The following PCSK6 variants were observed in gnomAD, a reference collection of about 807,000 sequenced individuals.
PCSK6 encodes the protein paired basic amino acid cleaving enzyme 4.
A neutral mutation model predicts 123.3 loss-of-function variants in PCSK6; 85 were observed. That is an observed-to-expected ratio of 0.69 (90% CI 0.58 to 0.83). The LOEUF (loss-of-function observed/expected upper bound fraction) is 0.83, where lower values mean the gene tolerates loss of function less well. PCSK6 is among the 40% of genes least tolerant of loss of function. PCSK6 has a pLI of 0.00. For synonymous variants in PCSK6, 508 were observed against 516.0 expected (o/e 0.98, Z 0.21); for missense variants, 1,191 against 1,282.3 (o/e 0.93, Z 1.09).
intron 20 of PCSK6, among the ~76,000 whole-genome samples, chr15:101,310,856 C>A (rs1481425086): frequency 1.3e-5 from 2 of 152,190 alleles, no homozygotes; most frequent in Non-Finnish European, 2.9e-5. Flanking sequence ...CATGGGCACC[C>A]CTCCCCTGCT....
In PCSK6 at chr15:101,454,771, C is replaced by G. The variant is rs374336054; in HGVS notation, c.298-11111G>C. ...ACCAGCCTGGCCAACAGCGTGAAAC[C>G]CCGCCTCTACCAAAAATACAAAAAT... is the stretch of plus-strand genomic sequence containing the variant. On this transcript the variant is annotated intron_variant, in intron 1 of 21. Coordinates refer to ENST00000611716, the MANE Select transcript of PCSK6 (RefSeq NM_002570.5). Among the ~76,000 whole-genome samples, 3 of 152,146 alleles carry G rather than the reference C, an allele frequency of 2.0e-5. No individual in the cohort carries two copies. The South Asian group carries it at 6.2e-4, about 32-fold the overall frequency.
At chr15:101,358,474 T>G (rs1016274337) in intron 13 of PCSK6, among the ~76,000 whole-genome samples, 1 of 152,226 alleles carries the variant, frequency 6.6e-6, no homozygotes, top group Non-Finnish European at 1.5e-5. Flanking sequence ...CATGGTACTA[T>G]TGGTTCCTGA....
At chr15:101,365,145 T>A (rs1264549729) in intron 13 of PCSK6, 1 of 543,396 alleles carries the variant, frequency 1.8e-6, no homozygotes, top group African/African-American at 1.8e-5. Flanking sequence ...CAAAAATAAT[T>A]CAAAATGGAT....
At chr15:101,312,220 G>A (rs1328213952) in intron 20 of PCSK6, 1 of 151,104 alleles carries the variant, frequency 6.6e-6, no homozygotes, top group Non-Finnish European at 1.5e-5. Context: ...ACTCCTCAAT[G>A]TTGCTCCCAC....
intron 15 of PCSK6, among the ~76,000 whole-genome samples, chr15:101,329,427 C>T (rs752027): frequency 3.9e-5 from 6 of 152,266 alleles, no homozygotes; most frequent in Admixed American, 3.3e-4. Flanking sequence ...AGACTTGGGC[C>T]GATTAATTGC....
intron 2 of PCSK6, among the ~76,000 whole-genome samples, chr15:101,441,221 A>G (rs1425608507): frequency 6.6e-6 from 1 of 152,094 alleles, no homozygotes; most frequent in African/African-American, 2.4e-5. Context: ...GACTTCGAGG[A>G]GACAACTAAT....
At chr15:101,464,170 G>C (rs908062444) in intron 1 of PCSK6, among the ~76,000 whole-genome samples, 3 of 152,276 alleles carry the variant, frequency 2.0e-5, no homozygotes, top group South Asian at 4.2e-4. Flanking sequence ...TGGGGCTGCT[G>C]CCTTGCAAGC....
At chr15:101,322,646 A>T (rs376186625) in intron 17 of PCSK6, 39 bp from the exon 18 acceptor site, 7 of 1,296,292 alleles carry the variant, frequency 5.4e-6, no homozygotes, top group Non-Finnish European at 6.7e-6. Context: ...AGAAGGGACG[A>T]CACTGACAGG....
rs1021197065 is a variant in PCSK6 at position 101,416,005 on chromosome 15, A to G, written c.823+11887T>C. 1.1e-4 allele frequency among the ~76,000 whole-genome samples: 17 copies of G among 152,368 alleles called. No homozygotes were observed. In the East Asian group the frequency reaches 3.3e-3, roughly 29 times the overall value. On this transcript the variant is annotated intron_variant, in intron 6 of 21. Coordinates refer to ENST00000611716, the MANE Select transcript of PCSK6 (RefSeq NM_002570.5). ...GTAAATTGGTGCCCATAGAGTGGGC[A>G]TTGCTGAAAAGATACCCCAAAATGT...
At chr15:101,444,856 G>A (rs2056845459) in intron 1 of PCSK6, among the ~76,000 whole-genome samples, 1 of 152,150 alleles carries the variant, frequency 6.6e-6, no homozygotes, top group Non-Finnish European at 1.5e-5. Flanking sequence ...GACCTGGAGG[G>A]ACTTGGATGC....
chr15:101,362,192 G>C (rs2041248588), intron 13 of PCSK6, among the ~76,000 whole-genome samples: 1 of 152,078 alleles, frequency 6.6e-6, no homozygotes, highest in Admixed American at 6.6e-5. Flanking sequence ...TCCTGACCTT[G>C]TGATTCACCC....
At chr15:101,362,752 G>A (rs908288060) in intron 13 of PCSK6, among the ~76,000 whole-genome samples, 2 of 152,206 alleles carry the variant, frequency 1.3e-5, no homozygotes, top group Non-Finnish European at 2.9e-5. Context: ...GCCTAGAAAA[G>A]CTAAGTGACT....
intron 1 of PCSK6, among the ~76,000 whole-genome samples, chr15:101,483,479 T>C (rs2057942025): frequency 6.6e-6 from 1 of 152,246 alleles, no homozygotes; most frequent in African/African-American, 2.4e-5. Context: ...TGCCTTTTTA[T>C]GTTCAGACTC....
chr15:101,451,643 C>T (rs1370420726), intron 1 of PCSK6, among the ~76,000 whole-genome samples: 1 of 152,232 alleles, frequency 6.6e-6, no homozygotes, highest in African/African-American at 2.4e-5. Context: ...GCAGCTGCAG[C>T]GTGCCTGCTT....
At chr15:101,475,767 A>T (rs1032757124) in intron 1 of PCSK6, among the ~76,000 whole-genome samples, 3 of 151,756 alleles carry the variant, frequency 2.0e-5, no homozygotes, top group Non-Finnish European at 1.5e-5. Context: ...CTGGGACTAC[A>T]AGTGTGAGCC....
chr15:101,307,579 C>T (rs1030675807), intron 20 of PCSK6: 4 of 441,352 alleles, frequency 9.1e-6, no homozygotes, highest in African/African-American at 8.0e-5. Flanking sequence ...AGCCCAGGAT[C>T]AGGGGCCAGG....
At position 101,313,126 on chromosome 15, in the gene PCSK6, C is replaced by G. The variant is rs1161971761; in HGVS notation, c.2699+250G>C. On this transcript the variant is annotated intron_variant, in intron 20 of 21. Transcript: ENST00000611716. ...TAGTCCACCAATGGGGTGTGAGCACCTTGCTATTCTGCTTCCCATCTTATC... is the reference window on the plus strand; with the variant it reads ...TAGTCCACCAATGGGGTGTGAGCACGTTGCTATTCTGCTTCCCATCTTATC... The G allele has an allele frequency of 2.8e-6, 4 of 1,442,450 alleles. No individual in the cohort carries two copies. In the South Asian group the frequency reaches 4.2e-5, roughly 15 times the overall value. The allele number at this position is 1,442,450 out of a possible 1,614,324, so 89.4% of individuals were successfully genotyped here.
intron 11 of PCSK6, among the ~76,000 whole-genome samples, chr15:101,375,925 T>C (rs1410655724): frequency 6.6e-6 from 1 of 152,044 alleles, no homozygotes; most frequent in African/African-American, 2.4e-5. Context: ...TCCCAACTAC[T>C]CAGGAGGCTG....
intron 6 of PCSK6, among the ~76,000 whole-genome samples, chr15:101,416,458 A>G (rs562670864): frequency 1.2e-4 from 18 of 152,258 alleles, no homozygotes; most frequent in Non-Finnish European, 2.2e-4. Context: ...CTGATGATGC[A>G]GTAGAAAAGA....
Sources: allele counts gnomAD v4.1 joint callset (sites outside exome capture counted in the v4.1 genomes callset), GRCh38; gene constraint gnomAD v4.1.1; transcripts MANE v1.5; gene names NCBI Gene and HGNC (gene_info 2026-07-23, HGNC 2026-07-21).